KIF1B: variants seen among roughly 807,000 people sequenced by gnomAD.
KIF1B encodes the protein kinesin family member 1B.
KIF1B carries 76 observed loss-of-function variants against 241.9 expected under a neutral mutation model. The ratio of observed to expected loss-of-function variants is 0.31; its 90% CI spans 0.26 to 0.38. KIF1B has a LOEUF of 0.38. KIF1B is among the 10% of genes least tolerant of loss of function. The pLI is 1.00. For synonymous variants in KIF1B, 750 were observed against 796.7 expected (o/e 0.94, Z 0.99); for missense variants, 1,622 against 2,271.4 (o/e 0.71, Z 5.81).
At chr1:10,234,992 C>T (rs1194525396) in intron 2 of KIF1B, among the ~76,000 whole-genome samples, 2 of 151,708 alleles carry the variant, frequency 1.3e-5, no homozygotes, top group African/African-American at 2.4e-5. Context: ...CGGGTTCAAG[C>T]GATTCTTCTG....
In KIF1B at chr1:10,303,820, G is replaced by A. The variant is rs769741623; in HGVS notation, c.2115+6574G>A. On this transcript the variant is annotated intron_variant, in intron 22 of 48. Coordinates refer to ENST00000676179, the MANE Select transcript of KIF1B (RefSeq NM_001365951.3). The surrounding 1 kb of genome is among the most constrained non-coding windows in gnomAD (Gnocchi z 5.2). ...AAGCCACAAAGCAAAGGAGCCTGTTGGTGCTGGTGTTAGTAGCACCTCTGA... is the reference window on the plus strand; with the variant it reads ...AAGCCACAAAGCAAAGGAGCCTGTTAGTGCTGGTGTTAGTAGCACCTCTGA... 3.7e-6 allele frequency: 6 copies of A among 1,614,206 alleles called. No homozygotes were observed. Among genetic ancestry groups the A allele is most frequent in the Non-Finnish European group, 4.2e-6 (5 of 1,180,044 alleles).
chr1:10,280,221 ATTTC>A (rs1649336938), intron 14 of KIF1B, among the ~76,000 whole-genome samples: 1 of 151,738 alleles, frequency 6.6e-6, no homozygotes. Flanking sequence ...GTACTGAGTT[ATTTC>A]TTTTTTTTTC....
chr1:10,296,750 A>G, intron 20 of KIF1B, 85 bp downstream of exon 20: 2 of 1,389,862 alleles, frequency 1.4e-6, no homozygotes, highest in Non-Finnish European at 2.0e-6. Context: ...TAAAGGCTGA[A>G]GTAATAGTCA....
intron 38 of KIF1B, among the ~76,000 whole-genome samples, chr1:10,353,079 C>T (rs1467103587): frequency 6.6e-6 from 1 of 152,058 alleles, no homozygotes; most frequent in Non-Finnish European, 1.5e-5. Flanking sequence ...TAATTATTGC[C>T]AAGATTAAAT....
intron 1 of KIF1B, among the ~76,000 whole-genome samples, chr1:10,212,890 GTATATATATA>G (rs201066671): frequency 0.081 from 8,862 of 109,326 alleles, 500 homozygotes; most frequent in African/African-American, 0.17. Context: ...ATGCGTGTGT[GTATATATATA>G]TATATATATA....
intron 43 of KIF1B, 101 bp from the exon 44 acceptor site, chr1:10,368,365 CG>C: frequency 1.1e-6 from 1 of 897,382 alleles, no homozygotes; most frequent in East Asian, 2.4e-5. Flanking sequence ...ATGCCCTCCC[CG>C]GGAACTCAGC....
intron 17 of KIF1B, among the ~76,000 whole-genome samples, chr1:10,293,395 T>A (rs1650105680): frequency 3.6e-5 from 1 of 27,426 alleles, no homozygotes; most frequent in African/African-American, 1.1e-3. Flanking sequence ...GTGAGGAAAT[T>A]TTTTTTTTTT....
chr1:10,309,562 C>G (rs116445641), intron 22 of KIF1B, among the ~76,000 whole-genome samples: 2,872 of 151,528 alleles, frequency 0.019, 51 homozygotes, highest in Non-Finnish European at 0.028. Flanking sequence ...CCTTTAATGT[C>G]TAAAACAGCC....
chr1:10,324,997 G>T lies in KIF1B; in HGVS notation c.2675+102G>T, dbSNP rs546996236. 7.6e-6 allele frequency: 10 copies of T among 1,319,020 alleles called. No individual in the cohort carries two copies. In the South Asian group the frequency reaches 8.4e-5, roughly 11 times the overall value. The allele number at this position is 1,319,020 out of a possible 1,614,324, so 81.7% of individuals were successfully genotyped here. A position where few individuals can be genotyped will look rare whatever the true frequency, so the allele number is the denominator to read the frequency against. On this transcript the variant is annotated intron_variant, in intron 26 of 48. Transcript: ENST00000676179. ...TAAAAAGTTAAGAGGAAAAAAAAAGGTGTAAAAAGGCCTTATCTATAATCT... is the reference window on the plus strand; with the variant it reads ...TAAAAAGTTAAGAGGAAAAAAAAAGTTGTAAAAAGGCCTTATCTATAATCT...
At chr1:10,370,020 G>A (rs1231839255) in intron 44 of KIF1B, among the ~76,000 whole-genome samples, 1 of 151,720 alleles carries the variant, frequency 6.6e-6, no homozygotes, top group Admixed American at 6.6e-5. Context: ...TTGGGAGGCC[G>A]AGGTGGGCGG....
At chr1:10,370,095 A>C (rs979596278) in intron 44 of KIF1B, among the ~76,000 whole-genome samples, 23 of 151,686 alleles carry the variant, frequency 1.5e-4, no homozygotes, top group Non-Finnish European at 7.4e-5. Context: ...CTCTGCTAAA[A>C]ATACAAAATT....
At position 10,378,029 on chromosome 1, in the gene KIF1B, G is replaced by C. The variant is rs1638933133; in HGVS notation, c.*1442G>C. 1 of 369,734 alleles carries C rather than the reference G, an allele frequency of 2.7e-6. No homozygotes were observed. Among genetic ancestry groups the C allele is most frequent in the African/African-American group, 2.1e-5 (1 of 48,536 alleles). The allele number at this position is 369,734 out of a possible 1,614,324, so 22.9% of individuals were successfully genotyped here. On this transcript the variant is annotated 3_prime_UTR_variant, in exon 49 of 49. Coordinates refer to ENST00000676179, the MANE Select transcript of KIF1B (RefSeq NM_001365951.3). ...AATATAGCTTTCAGGCATAAACCTG[G>C]AAGTCTCCCTCTGAATCCAGCAGTT...
intron 7 of KIF1B, among the ~76,000 whole-genome samples, chr1:10,271,241 C>T (rs910144314): frequency 6.6e-6 from 1 of 151,444 alleles, no homozygotes; most frequent in Admixed American, 6.6e-5. Flanking sequence ...GGCTGGAGTG[C>T]AGCAGACAGC....
chr1:10,215,168 A>ATTT (rs1557640288), intron 1 of KIF1B, among the ~76,000 whole-genome samples: 11 of 53,856 alleles, frequency 2.0e-4, no homozygotes, highest in Non-Finnish European at 3.4e-4. Context: ...ATATATATAT[A>ATTT]TATATTTTTT....
chr1:10,351,271 A>G (rs574731006), intron 37 of KIF1B, among the ~76,000 whole-genome samples: 1 of 152,184 alleles, frequency 6.6e-6, no homozygotes, highest in East Asian at 1.9e-4. Context: ...ACCGAAACAG[A>G]AGAGATGCTT....
chr1:10,356,619 C>T (rs766114316), intron 38 of KIF1B, among the ~76,000 whole-genome samples: 2 of 144,992 alleles, frequency 1.4e-5, no homozygotes, highest in Non-Finnish European at 3.1e-5. Flanking sequence ...AAAAAAAATG[C>T]GGCCGGGCAC....
intron 2 of KIF1B, among the ~76,000 whole-genome samples, chr1:10,236,319 A>G (rs941099319): frequency 4.1e-5 from 6 of 147,000 alleles, no homozygotes; most frequent in African/African-American, 1.5e-4. Context: ...CCCATATAGT[A>G]TATTTGGGAA....
chr1:10,238,735 AC>A (rs1444823258), intron 2 of KIF1B, among the ~76,000 whole-genome samples: 1 of 151,786 alleles, frequency 6.6e-6, no homozygotes, highest in East Asian at 1.9e-4. Flanking sequence ...AACAACAACA[AC>A]AAAAAACACC....
At chr1:10,341,292 A>G (rs567683543) in intron 32 of KIF1B, among the ~76,000 whole-genome samples, 64 of 152,354 alleles carry the variant, frequency 4.2e-4, no homozygotes, top group African/African-American at 1.5e-3. Context: ...GGGTGGAGAA[A>G]GGGGATAGGA....
Sources: gnomAD v4.1 joint callset for allele counts (sites outside exome capture counted in the v4.1 genomes callset) on GRCh38, gnomAD v4.1.1 for gene constraint, Gnocchi (gnomAD v3.1) non-coding constraint, MANE v1.5 for transcripts, NCBI Gene and HGNC (gene_info 2026-07-23, HGNC 2026-07-21) for gene names.